PPARGC1B: variants seen among roughly 807,000 people sequenced by gnomAD.
PPARGC1B encodes the protein PPARG coactivator 1 beta.
A neutral mutation model predicts 101.6 loss-of-function variants in PPARGC1B; 34 were observed. That is an observed-to-expected ratio of 0.33 (90% CI 0.25 to 0.45). The LOEUF (loss-of-function observed/expected upper bound fraction) is 0.45, where lower values mean the gene tolerates loss of function less well. Ranked by LOEUF, PPARGC1B falls within the 20% of genes least tolerant of loss-of-function variation. The pLI, the probability that PPARGC1B is intolerant of heterozygous loss-of-function variation, is 1.00. For synonymous variants in PPARGC1B, 548 were observed against 539.3 expected (o/e 1.02, Z -0.22); for missense variants, 1,234 against 1,317.6 (o/e 0.94, Z 0.98).
chr5:149,806,693 C>A (rs1027283867), intron 1 of PPARGC1B, among the ~76,000 whole-genome samples: 3 of 150,388 alleles, frequency 2.0e-5, no homozygotes, highest in Admixed American at 1.3e-4. Context: ...CTGCAACCTC[C>A]GCCTCCTGGG....
intron 1 of PPARGC1B, among the ~76,000 whole-genome samples, chr5:149,734,348 A>C (rs1027909991): frequency 1.4e-5 from 2 of 138,210 alleles, no homozygotes; most frequent in African/African-American, 2.7e-5. Context: ...AAAAAAAAGG[A>C]GTTATCCTGA....
chr5:149,749,337 C>T (rs901843948), intron 1 of PPARGC1B, among the ~76,000 whole-genome samples: 16 of 152,174 alleles, frequency 1.1e-4, no homozygotes, highest in Non-Finnish European at 1.8e-4. Context: ...GAACCCAAGG[C>T]CCAGGGATGT....
chr5:149,761,186 T>A (rs1755703950), intron 1 of PPARGC1B, among the ~76,000 whole-genome samples: 1 of 152,204 alleles, frequency 6.6e-6, no homozygotes, highest in African/African-American at 2.4e-5. Context: ...TGTGAAAAGA[T>A]GACCACAATC....
intron 2 of PPARGC1B, among the ~76,000 whole-genome samples, chr5:149,825,354 C>T (rs1402036670): frequency 6.6e-6 from 1 of 152,244 alleles, no homozygotes; most frequent in Non-Finnish European, 1.5e-5. Flanking sequence ...AATCGTGCGC[C>T]CCTGGGCGAG....
intron 2 of PPARGC1B, among the ~76,000 whole-genome samples, chr5:149,823,290 C>T (rs896178756): frequency 3.9e-5 from 6 of 152,174 alleles, no homozygotes; most frequent in Admixed American, 1.3e-4. Context: ...GGAGGAGAGT[C>T]ACTGAGTCTG....
At chr5:149,742,315 A>G (rs1754940780) in intron 1 of PPARGC1B, among the ~76,000 whole-genome samples, 1 of 152,166 alleles carries the variant, frequency 6.6e-6, no homozygotes, top group Non-Finnish European at 1.5e-5. Context: ...GCACACTGCA[A>G]GGCTCAGCTC....
intron 1 of PPARGC1B, among the ~76,000 whole-genome samples, chr5:149,732,045 G>GGTGTGTGT (rs3042304): frequency 9.4e-5 from 14 of 149,026 alleles, no homozygotes; most frequent in African/African-American, 2.7e-4. Flanking sequence ...TGCGCGCGCG[G>GGTGTGTGT]GTGTGTGTGT....
In PPARGC1B at chr5:149,762,155, G is replaced by GTT. The variant is rs145066643; in HGVS notation, c.78+31751_78+31752dup. The stretch of plus-strand genomic sequence containing the variant: ...GTGACTTGGGTCAGGAATCCCATGG[G>GTT]TTTTTTTTTTTTTTTTTGAGATGGA... On this transcript the variant is annotated intron_variant, in intron 1 of 11. Transcript: ENST00000309241. Among the ~76,000 whole-genome samples the GTT allele has an allele frequency of 2.7e-3, 356 of 133,686 alleles. 1 individual carries two copies. The highest frequency in any genetic ancestry group is 8.5e-3 in the African/African-American group (306 of 35,858). 87.7% of individuals were successfully genotyped at this position (133,686 alleles called of 152,430 possible).
At chr5:149,826,962 C>A in intron 3 of PPARGC1B, 77 bp downstream of exon 3, 1 of 1,113,838 alleles carries the variant, frequency 9.0e-7, no homozygotes, top group Non-Finnish European at 1.3e-6. Flanking sequence ...GGGTGCAGAG[C>A]AATCCGCTCC....
chr5:149,737,823 G>C (rs1754780544), intron 1 of PPARGC1B, among the ~76,000 whole-genome samples: 1 of 152,032 alleles, frequency 6.6e-6, no homozygotes, highest in African/African-American at 2.4e-5. Flanking sequence ...ATGAAACCGC[G>C]TCTCTACTAA....
chr5:149,838,732 C>T (rs1041420522), intron 8 of PPARGC1B, among the ~76,000 whole-genome samples: 1 of 152,204 alleles, frequency 6.6e-6, no homozygotes, highest in African/African-American at 2.4e-5. Context: ...GGGCCAGGTT[C>T]AGGGCTGGCT....
At chr5:149,831,349 A>G (rs917566931) in intron 4 of PPARGC1B, among the ~76,000 whole-genome samples, 2 of 152,158 alleles carry the variant, frequency 1.3e-5, no homozygotes, top group Non-Finnish European at 2.9e-5. Flanking sequence ...CAAGCCTAAC[A>G]AGAAGAGGCG....
intron 1 of PPARGC1B, among the ~76,000 whole-genome samples, chr5:149,795,623 C>T (rs1757181146): frequency 6.6e-6 from 1 of 152,124 alleles, no homozygotes; most frequent in African/African-American, 2.4e-5. Flanking sequence ...CATGTCTCTG[C>T]CAGCCAGCTC....
In PPARGC1B at chr5:149,826,828, C is replaced by G. The variant is rs147532359; in HGVS notation, c.408C>G (p.Pro136=). ...CGCCTGCCCCCTCATCTGCACCCCC[C>G]AGCCCTGCCCCGGAGAAGCCCTCGG... ...SASPAPSSAP[P]SPAPEKPSAP... Residue 136 remains proline, a synonymous_variant, in exon 3 of 12, where the codon CCC becomes CCG. Coordinates refer to ENST00000309241, the MANE Select transcript of PPARGC1B (RefSeq NM_133263.4). 2,522 of 1,613,936 alleles carry G rather than the reference C, an allele frequency of 1.6e-3. 4 individuals are homozygous for G. The highest frequency in any genetic ancestry group is 4.0e-3 in the South Asian group (360 of 91,074).
At chr5:149,776,710 C>CGGA (rs1327883808) in intron 1 of PPARGC1B, among the ~76,000 whole-genome samples, 2 of 152,206 alleles carry the variant, frequency 1.3e-5, no homozygotes, top group Non-Finnish European at 2.9e-5. Flanking sequence ...TGTAGTGTAA[C>CGGA]GGAGGCACTG....
chr5:149,791,094 G>A (rs2113256397), intron 1 of PPARGC1B, among the ~76,000 whole-genome samples: 1 of 151,776 alleles, frequency 6.6e-6, no homozygotes, highest in Admixed American at 6.6e-5. Context: ...TTCAAGACCA[G>A]CCTGGCCAAC....
At chr5:149,752,765 G>C (rs1252216230) in intron 1 of PPARGC1B, among the ~76,000 whole-genome samples, 1 of 152,200 alleles carries the variant, frequency 6.6e-6, no homozygotes, top group Non-Finnish European at 1.5e-5. Flanking sequence ...GGAGACGGAG[G>C]TTGCAGTGAG....
chr5:149,845,109 C>G (rs1016535816), intron 10 of PPARGC1B, among the ~76,000 whole-genome samples: 4 of 152,170 alleles, frequency 2.6e-5, no homozygotes, highest in Non-Finnish European at 5.9e-5. Flanking sequence ...GCACCCTGAG[C>G]CTGGTTGACC....
At chr5:149,758,943 G>A (rs1395279227) in intron 1 of PPARGC1B, among the ~76,000 whole-genome samples, 1 of 151,948 alleles carries the variant, frequency 6.6e-6, no homozygotes, top group Non-Finnish European at 1.5e-5. Context: ...TAAAATGAAA[G>A]GCTAGTTTTA....
Sources: gnomAD v4.1 joint callset for allele counts (sites outside exome capture counted in the v4.1 genomes callset) on GRCh38, gnomAD v4.1.1 for gene constraint, MANE v1.5 for transcripts, NCBI Gene and HGNC (gene_info 2026-07-23, HGNC 2026-07-21) for gene names.